TUB: variants seen among roughly 807,000 people sequenced by gnomAD.
TUB encodes the protein TUB bipartite transcription factor, also known as tubby protein homolog.
In TUB, 33 loss-of-function variants were observed where a neutral mutation model predicts 59.7. That is an observed-to-expected ratio of 0.55 (90% confidence interval 0.42 to 0.74). The LOEUF (loss-of-function observed/expected upper bound fraction) is 0.74. TUB is among the 30% of genes least tolerant of loss of function. The pLI is 0.00. For missense variants in TUB, 659 were observed against 672.0 expected, an observed-to-expected ratio of 0.98 and a Z score of 0.21; for synonymous variants, 293 against 256.4, an observed-to-expected ratio of 1.14 and a Z score of -1.36.
At chr11:8,035,468 C>G (rs2133718970), upstream of TUB, 1 of 152,516 alleles carries the variant, frequency 6.6e-6, no homozygotes, top group South Asian at 2.1e-4. Flanking sequence ...CTGCTCCCTT[C>G]AGCTCTTACT....
Position 8,081,520 on chromosome 11 carries a change from A to C in TUB, c.10A>C (p.Lys4Gln). Residue 4 changes from lysine (K) to glutamine (Q), a missense_variant, in exon 1 of 12, where the codon AAG becomes CAG. Physicochemically the swap from Lys to Gln is moderately conservative, Grantham distance 53. Coordinates refer to ENST00000299506, the MANE Select transcript of TUB (RefSeq NM_177972.3). MTS[K>Q]PHSDWIPYSV... is the part of the protein sequence containing the mutation. ...CCCGCCCCCGAGAGACATGACTTCC[A>C]AGCCGCATTCCGACTGGATTCCCTA... 6.4e-7 allele frequency: 1 copy of C among 1,551,104 alleles called. No homozygotes were observed. The highest frequency in any genetic ancestry group is 8.7e-7 in the Non-Finnish European group (1 of 1,154,950).
intron 2 of TUB, chr11:8,067,985 C>T (rs1171959898): frequency 2.0e-5 from 3 of 152,348 alleles, no homozygotes; most frequent in African/African-American, 7.2e-5. Flanking sequence ...CTTCCTCCAA[C>T]ATGCAGCTCT....
In TUB at chr11:8,089,653, G is replaced by C; in HGVS notation, c.82G>C (p.Asp28His). Reference protein sequence around the residue: ...EGRNLRQQKLDRQRALLEQKQ... With the variant: ...EGRNLRQQKLHRQRALLEQKQ... ...CAGAAACCTGAGGCAGCAGAAGCTT[G>C]ATCGGCAGGTGAGTAGGCCTGGGGC... is the stretch of plus-strand genomic sequence containing the variant. Residue 28 changes from aspartate to histidine, a missense_variant, in exon 2 of 12, where the codon GAT (aspartate) becomes CAT (histidine). Asp to His is a moderately conservative substitution (Grantham distance 81). Coordinates refer to ENST00000299506, the MANE Select transcript of TUB (RefSeq NM_177972.3). The C allele has an allele frequency of 6.2e-7, 1 of 1,614,196 alleles. No individual in the cohort carries two copies.
Position 8,103,156 on chromosome 11 carries a change from A to G in TUB, c.*1537A>G, listed in dbSNP as rs1944378155. On this transcript the variant is annotated 3_prime_UTR_variant, in exon 12 of 12. Transcript: ENST00000299506. ...GCACACTTCTCGGTCTAGGTGGGAG[A>G]GAGTGCATAAAGGTTCTGGGGCTGG... 6.6e-6 allele frequency: 1 copy of G among 152,134 alleles called. No individual in the cohort carries two copies. The highest frequency in any genetic ancestry group is 1.5e-5 in the Non-Finnish European group (1 of 68,072). The allele number at this position is 152,134 out of a possible 1,614,324, so 9.4% of individuals were successfully genotyped here. A position where few individuals can be genotyped will look rare whatever the true frequency, so the allele number is the denominator to read the frequency against.
intron 2 of TUB, among the ~76,000 whole-genome samples, chr11:8,047,643 C>T (rs79885788): frequency 2.3e-3 from 357 of 152,312 alleles, no homozygotes; most frequent in African/African-American, 7.7e-3. Context: ...TTTGTGCTGC[C>T]TCCCTGCTCT....
In TUB at chr11:8,097,401, C is replaced by T. The variant is rs1411151242; in HGVS notation, c.861C>T (p.His287=). The part of the protein sequence containing the change: ...DRGMYPTYFL[H]LDREDGKKVF... ...GCATGTACCCCACCTACTTTCTGCA[C>T]CTGGACCGTGAGGATGGGAAGAAGG... Residue 287 remains histidine (H), a synonymous_variant, in exon 7 of 12, where the codon CAC becomes CAT. Transcript: ENST00000299506. The T allele has an allele frequency of 6.2e-7, 1 of 1,614,186 alleles. No individual in the cohort carries two copies. Among genetic ancestry groups the T allele is most frequent in the Non-Finnish European group, 8.5e-7 (1 of 1,180,028 alleles).
rs539651343 is a variant in TUB at position 8,099,601 on chromosome 11, T to C, written c.1116+726T>C. On this transcript the variant is annotated intron_variant, in intron 9 of 11. Transcript: ENST00000299506. ...GGATATAGTAATGAACAGACATAAA[T>C]GTATACCTTTATGGGACTTAAAGCC... is the stretch of plus-strand genomic sequence containing the variant. 2.6e-5 allele frequency among the ~76,000 whole-genome samples: 4 copies of C among 152,274 alleles called. No individual in the cohort carries two copies. In the South Asian group the frequency reaches 8.3e-4, roughly 32 times the overall value.
At chr11:8,097,556 G>T (rs770957534) in intron 7 of TUB, 131 bp downstream of exon 7, 48 of 1,377,418 alleles carry the variant, frequency 3.5e-5, no homozygotes, top group Non-Finnish European at 4.7e-5. Flanking sequence ...CTTCGTGTCT[G>T]GTCTGTGCAC....
chr11:8,065,784 A>G (rs1415835182), intron 2 of TUB, among the ~76,000 whole-genome samples: 1 of 152,144 alleles, frequency 6.6e-6, no homozygotes, highest in African/African-American at 2.4e-5. Context: ...GTGACGTGGA[A>G]TAGTTAAAGT....
chr11:8,081,119 C>A (rs1256776088), upstream of TUB, among the ~76,000 whole-genome samples: 2 of 136,176 alleles, frequency 1.5e-5, no homozygotes, highest in African/African-American at 2.8e-5. Flanking sequence ...AAGGGCGCTC[C>A]GCAGGCCCTG....
At chr11:8,100,307 G>C (rs995159090) in intron 9 of TUB, among the ~76,000 whole-genome samples, 196 bp from the exon 10 acceptor site, 1 of 152,158 alleles carries the variant, frequency 6.6e-6, no homozygotes, top group African/African-American at 2.4e-5. Context: ...CAAGGATGAC[G>C]CATAAGAGGA....
chr11:8,064,499 A>G (rs2133781901), intron 2 of TUB, among the ~76,000 whole-genome samples: 1 of 152,306 alleles, frequency 6.6e-6, no homozygotes, highest in African/African-American at 2.4e-5. Context: ...GTGGCTAGAG[A>G]GGCCTGGCTG....
intron 1 of TUB, among the ~76,000 whole-genome samples, chr11:8,029,451 C>T (rs1413950913): frequency 3.4e-5 from 5 of 146,726 alleles, no homozygotes; most frequent in Non-Finnish European, 7.4e-5. Flanking sequence ...TGCAGTGGTG[C>T]GACCTCGGCT....
intron 2 of TUB, among the ~76,000 whole-genome samples, chr11:8,041,315 CATG>C (rs1219017489): frequency 6.6e-6 from 1 of 152,128 alleles, no homozygotes; most frequent in Non-Finnish European, 1.5e-5. Context: ...TGCCAGCAAG[CATG>C]ATGTTTCCCC....
At chr11:8,021,146 T>C (rs1942419858) in intron 1 of TUB, among the ~76,000 whole-genome samples, 1 of 152,196 alleles carries the variant, frequency 6.6e-6, no homozygotes, top group South Asian at 2.1e-4. Flanking sequence ...CCACAGTTTC[T>C]TGGGGAAGTG....
intron 1 of TUB, among the ~76,000 whole-genome samples, chr11:8,031,921 G>A (rs914143492): frequency 2.0e-5 from 3 of 152,300 alleles, no homozygotes; most frequent in South Asian, 2.1e-4. Context: ...CGCCTTCCGC[G>A]GGGTGTCATC....
intron 2 of TUB, chr11:8,067,771 C>T (rs969974256): frequency 5.9e-5 from 9 of 152,452 alleles, no homozygotes; most frequent in Admixed American, 5.9e-4. Context: ...GCCTCAGCCT[C>T]CTCCCGGGCT....
At chr11:8,094,331 C>T (rs954493967) in intron 4 of TUB, 142 bp downstream of exon 4, 17 of 1,141,272 alleles carry the variant, frequency 1.5e-5, no homozygotes, top group Non-Finnish European at 2.1e-5. Flanking sequence ...TGGGCACCCC[C>T]TCAGGTGGCT....
intron 2 of TUB, among the ~76,000 whole-genome samples, chr11:8,062,516 C>T (rs1416060477): frequency 6.7e-6 from 1 of 149,902 alleles, no homozygotes; most frequent in African/African-American, 2.5e-5. Flanking sequence ...GGTTTGTGTG[C>T]GTGTGTGTGT....
Sources: allele counts gnomAD v4.1 joint callset (sites outside exome capture counted in the v4.1 genomes callset), GRCh38; gene constraint gnomAD v4.1.1; transcripts MANE v1.5; gene names NCBI Gene and HGNC (gene_info 2026-07-23, HGNC 2026-07-21).